TRRAP: variants seen among roughly 807,000 people sequenced by gnomAD.
TRRAP encodes the protein transformation/transcription domain-associated protein.
In TRRAP, 41 loss-of-function variants were observed where a neutral mutation model predicts 438.8. The observed-to-expected ratio is 0.09, with a 90% CI of 0.07 to 0.12. TRRAP has a LOEUF of 0.12. Ranked by LOEUF, TRRAP falls within the 10% of genes least tolerant of loss-of-function variation. TRRAP has a pLI of 1.00. For missense variants in TRRAP, 3,122 were observed against 5,055.1 expected (o/e 0.62, Z 11.60); for synonymous variants, 1,994 against 1,962.9 (o/e 1.02, Z -0.42).
At chr7:98,878,959 G>A (rs1249516839) in intron 1 of TRRAP, among the ~76,000 whole-genome samples, 1 of 152,160 alleles carries the variant, frequency 6.6e-6, no homozygotes, top group Non-Finnish European at 1.5e-5. Context: ...GGCCGTTTGT[G>A]AGCTGAGAGG....
intron 2 of TRRAP, 66 bp from the exon 3 acceptor site, chr7:98,881,909 G>A (rs939040172): frequency 4.5e-6 from 7 of 1,544,814 alleles, no homozygotes; most frequent in Non-Finnish European, 6.2e-6. Context: ...CTAAATCCAA[G>A]TTTTGCATTA....
At position 98,981,900 on chromosome 7, in the gene TRRAP, C is replaced by T. The variant is rs1200026885; in HGVS notation, c.8766C>T (p.Ala2922=). The T allele has an allele frequency of 6.2e-7, 1 of 1,609,992 alleles. No individual in the cohort carries two copies. The highest frequency in any genetic ancestry group is 1.7e-5 in the Admixed American group (1 of 59,672). Residue 2922 remains alanine, a synonymous_variant, in exon 59 of 73, where the codon GCC becomes GCT. Coordinates refer to ENST00000456197, the MANE Select transcript of TRRAP (RefSeq NM_001375524.1). Reference sequence around the variant, plus strand: ...TGGTGGAGATGGCCAGCAGCCTGGCCATCCGCGAGTGGCGGCGGCTGCCCC... The same window carrying T: ...TGGTGGAGATGGCCAGCAGCCTGGCTATCCGCGAGTGGCGGCGGCTGCCCC... ...ERLVEMASSL[A]IREWRRLPHV...
At chr7:98,903,913 G>A (rs1442136929) in intron 12 of TRRAP, among the ~76,000 whole-genome samples, 4 of 151,924 alleles carry the variant, frequency 2.6e-5, no homozygotes, top group African/African-American at 7.2e-5. Flanking sequence ...AGCCGGGCAC[G>A]GTTCTCGTGC....
intron 17 of TRRAP, 64 bp downstream of exon 17, chr7:98,911,335 T>C (rs1789256064): frequency 2.1e-6 from 3 of 1,406,402 alleles, no homozygotes; most frequent in Non-Finnish European, 2.9e-6. Context: ...CTTAAATACT[T>C]TTTCATTTAT....
At chr7:98,927,038 C>A in intron 22 of TRRAP, 129 bp from the exon 23 acceptor site, 1 of 1,017,848 alleles carries the variant, frequency 9.8e-7, no homozygotes, top group Non-Finnish European at 1.4e-6. Flanking sequence ...GAAATTAAAG[C>A]AGATAAATTA....
chr7:98,915,758 G>T lies in TRRAP; in HGVS notation c.2235G>T (p.Glu745Asp), dbSNP rs782383344. The change falls in exon 19 of 73, where the codon GAG (glutamate) becomes GAT (aspartate). Residue 745 changes from glutamate to aspartate, a missense_variant. By Grantham distance (45) the Glu-to-Asp change is conservative (BLOSUM62 2). Transcript: ENST00000456197. Reference sequence around the variant, plus strand: ...ACAAGATTGTGAACAGCTCTATGGAGCTCGCGCAGACTGCCAAGGAACCCT... The same window carrying T: ...ACAAGATTGTGAACAGCTCTATGGATCTCGCGCAGACTGCCAAGGAACCCT... ...HLHKIVNSSM[E>D]LAQTAKEPYN... is the part of the protein sequence containing the mutation. 1 of 1,614,124 alleles carries T rather than the reference G, an allele frequency of 6.2e-7. No individual in the cohort carries two copies. Among genetic ancestry groups the T allele is most frequent in the South Asian group, 1.1e-5 (1 of 91,084 alleles).
chr7:98,904,187 TCTG>T (rs1468851570), intron 12 of TRRAP, among the ~76,000 whole-genome samples: 3 of 152,106 alleles, frequency 2.0e-5, no homozygotes, highest in East Asian at 1.9e-4. Context: ...TTCTTGTAGA[TCTG>T]CTGACAGATT....
At chr7:98,949,386 A>G (rs1206115278) in intron 35 of TRRAP, 31 bp from the exon 36 acceptor site, 3 of 1,490,234 alleles carry the variant, frequency 2.0e-6, no homozygotes, top group Non-Finnish European at 2.7e-6. Context: ...TGATTAGCTT[A>G]AAACGGCTTT....
Position 99,005,464 on chromosome 7 carries a change from G to A in TRRAP, c.10753+116G>A, listed in dbSNP as rs144531979. 5.2e-4 allele frequency: 501 copies of A among 967,330 alleles called. 2 individuals carry two copies. The African/African-American group carries it at 5.6e-3, about 11-fold the overall frequency. The allele number at this position is 967,330 out of a possible 1,614,324, so 59.9% of individuals were successfully genotyped here. A position where few individuals can be genotyped will look rare whatever the true frequency, so the allele number is the denominator to read the frequency against. On this transcript the variant is annotated intron_variant, in intron 69 of 72. Transcript: ENST00000456197. This position sits in a 1 kb window ranked among gnomAD's most constrained non-coding sequence, Gnocchi z 5.1. Reference sequence around the variant, plus strand: ...CGTTAGCCTTTGAGGGTCCAGCTGCGTCAGCAGAGAATGTTGTAGTCTGTG... The same window carrying A: ...CGTTAGCCTTTGAGGGTCCAGCTGCATCAGCAGAGAATGTTGTAGTCTGTG...
At position 98,941,992 on chromosome 7, in the gene TRRAP, A is replaced by G. The variant is rs888652375; in HGVS notation, c.4405-957A>G. On this transcript the variant is annotated intron_variant, in intron 30 of 72. Coordinates refer to ENST00000456197, the MANE Select transcript of TRRAP (RefSeq NM_001375524.1). The stretch of plus-strand genomic sequence containing the variant: ...AAGCAGCTTGCTAACTTCCTGTAGG[A>G]CTTCGGTGTTGTGAAGGGCAGGTTT... Among the ~76,000 whole-genome samples, 5 of 152,290 alleles carry G rather than the reference A, an allele frequency of 3.3e-5. No individual in the cohort carries two copies. The East Asian group carries it at 9.7e-4, about 29-fold the overall frequency.
chr7:98,956,457 C>G lies in TRRAP; in HGVS notation c.6155C>G (p.Ser2052Cys). 1.2e-6 allele frequency: 2 copies of G among 1,614,200 alleles called. No individual in the cohort carries two copies. The highest frequency in any genetic ancestry group is 1.1e-5 in the South Asian group (1 of 91,082). Residue 2052 changes from serine (S) to cysteine (C), a missense_variant, in exon 43 of 73, where the codon TCC (serine) becomes TGC (cysteine). Transcript: ENST00000456197. This position sits in a 1 kb window ranked among gnomAD's most constrained non-coding sequence, Gnocchi z 4.5. ...GAAGGAGTCAATTCTGTCTCATCCT[C>G]CATTAAGAGAGGCCTGTCCGTGGAT... ...SGEGVNSVSS[S>C]IKRGLSVDSA...
rs781897408 is a variant in TRRAP at position 98,956,106 on chromosome 7, G to C, written c.5938-40G>C. ...ACACGTGCATGCACTGTGGGACCAAGCTCCCATGTTCCGGCGTGATGCTGG... is the reference window on the plus strand; with the variant it reads ...ACACGTGCATGCACTGTGGGACCAACCTCCCATGTTCCGGCGTGATGCTGG... On this transcript the variant is annotated intron_variant, in intron 41 of 72. Transcript: ENST00000456197. This position sits in a 1 kb window ranked among gnomAD's most constrained non-coding sequence, Gnocchi z 4.5. 2 of 1,470,998 alleles carry C rather than the reference G, an allele frequency of 1.4e-6. No individual in the cohort carries two copies. The highest frequency in any genetic ancestry group is 1.8e-6 in the Non-Finnish European group (2 of 1,113,456). The allele number at this position is 1,470,998 out of a possible 1,614,324, so 91.1% of individuals were successfully genotyped here.
chr7:98,972,573 G>C (rs569055101), intron 53 of TRRAP, among the ~76,000 whole-genome samples: 12 of 152,226 alleles, frequency 7.9e-5, no homozygotes, highest in Admixed American at 3.9e-4. Context: ...AATCTAGCCA[G>C]GTAGAAACTC....
intron 61 of TRRAP, 122 bp downstream of exon 61, chr7:98,984,480 C>T (rs1260179863): frequency 3.2e-6 from 4 of 1,237,430 alleles, no homozygotes; most frequent in Non-Finnish European, 4.4e-6. Context: ...TCCACAAATA[C>T]AGCCTCAGTA....
chr7:98,962,527 G>C, intron 47 of TRRAP, 100 bp downstream of exon 47: 1 of 1,588,766 alleles, frequency 6.3e-7, no homozygotes, highest in African/African-American at 1.3e-5. Flanking sequence ...CGGTTGTTGG[G>C]CAGAGCTTTG....
At chr7:98,936,460 C>G (rs1790561354) in intron 28 of TRRAP, among the ~76,000 whole-genome samples, 1 of 152,160 alleles carries the variant, frequency 6.6e-6, no homozygotes, top group Non-Finnish European at 1.5e-5. Context: ...GTGGGTGCTA[C>G]TTTTGCTAGA....
At chr7:98,991,953 A>G (rs1477679701) in intron 64 of TRRAP, among the ~76,000 whole-genome samples, 184 bp from the exon 65 acceptor site, 3 of 152,216 alleles carry the variant, frequency 2.0e-5, no homozygotes, top group Non-Finnish European at 2.9e-5. Flanking sequence ...AGTGAATTAA[A>G]TATTTTGCCT....
chr7:98,996,361 G>C (rs537502427), intron 67 of TRRAP, among the ~76,000 whole-genome samples: 1 of 152,332 alleles, frequency 6.6e-6, no homozygotes, highest in Admixed American at 6.5e-5. Flanking sequence ...AGAGAAGCGC[G>C]TGGCGGGCTC....
intron 67 of TRRAP, among the ~76,000 whole-genome samples, chr7:98,998,378 C>T (rs1298097462): frequency 2.6e-5 from 4 of 152,122 alleles, no homozygotes; most frequent in African/African-American, 7.2e-5. Flanking sequence ...TATGAATGCT[C>T]CTTCACCAGA....
Sources: gnomAD v4.1 joint callset for allele counts (sites outside exome capture counted in the v4.1 genomes callset) on GRCh38, gnomAD v4.1.1 for gene constraint, Gnocchi (gnomAD v3.1) non-coding constraint, MANE v1.5 for transcripts, NCBI Gene and HGNC (gene_info 2026-07-23, HGNC 2026-07-21) for gene names.